GABRB2: variants seen among roughly 807,000 people sequenced by gnomAD.
GABRB2 encodes gamma-aminobutyric acid type A receptor subunit beta2.
In GABRB2, 16 loss-of-function variants were observed where a neutral mutation model predicts 54.7. The ratio of observed to expected loss-of-function variants is 0.29; its 90% CI spans 0.20 to 0.44. The LOEUF (loss-of-function observed/expected upper bound fraction) is 0.44. Among genes scored for constraint, GABRB2 ranks in the 20% least tolerant of loss-of-function variants. GABRB2 has a pLI of 1.00. For synonymous variants in GABRB2, 244 were observed against 233.8 expected (o/e 1.04, Z -0.40); for missense variants, 355 against 644.0 (o/e 0.55, Z 4.86).
chr5:161,446,336 T>G (rs1757614190), intron 4 of GABRB2, among the ~76,000 whole-genome samples: 1 of 152,154 alleles, frequency 6.6e-6, no homozygotes, highest in South Asian at 2.1e-4. Context: ...CCTGTTTTAT[T>G]AAACATAAAT....
intron 3 of GABRB2, among the ~76,000 whole-genome samples, chr5:161,542,487 G>A (rs1270536944): frequency 6.6e-6 from 1 of 152,150 alleles, no homozygotes; most frequent in African/African-American, 2.4e-5. Context: ...AGTAAAGTGA[G>A]CCCAGTCTAT....
rs781452713 is a variant in GABRB2, at chr5:161,492,533, T to C, written c.238-32689A>G. Among the ~76,000 whole-genome samples, 49 of 151,016 alleles carry C rather than the reference T, an allele frequency of 3.2e-4. 1 individual carries two copies. The highest frequency in any genetic ancestry group is 5.3e-4 in the Non-Finnish European group (36 of 67,560). The stretch of plus-strand genomic sequence containing the variant: ...GGTCTAATGACTTTGCATTTCTTTA[T>C]TGTTTTCCTTTGGAATTTCTTTGTT... On this transcript the variant is annotated intron_variant, in intron 3 of 9. Transcript: ENST00000393959.
intron 5 of GABRB2, among the ~76,000 whole-genome samples, chr5:161,384,896 T>C (rs1408766945): frequency 3.3e-5 from 5 of 152,146 alleles, no homozygotes; most frequent in Admixed American, 6.6e-5. Flanking sequence ...GTAGAAATGA[T>C]GTAAGAATGA....
chr5:161,510,247 TC>T (rs1176539088), intron 3 of GABRB2, among the ~76,000 whole-genome samples: 10 of 149,424 alleles, frequency 6.7e-5, no homozygotes, highest in Non-Finnish European at 1.0e-4. Context: ...CTCCCCCAGC[TC>T]CCCCCCAACC....
intron 5 of GABRB2, among the ~76,000 whole-genome samples, chr5:161,352,738 A>G (rs574795501): frequency 3.3e-5 from 5 of 152,176 alleles, no homozygotes; most frequent in African/African-American, 9.6e-5. Context: ...AAGGTAATGT[A>G]TATGTTAATT....
At chr5:161,466,663 T>C (rs1325105178) in intron 3 of GABRB2, among the ~76,000 whole-genome samples, 1 of 152,024 alleles carries the variant, frequency 6.6e-6, no homozygotes, top group Non-Finnish European at 1.5e-5. Context: ...TAGAACTGCA[T>C]TCTGGATGTG....
At chr5:161,421,422 C>T (rs1018319368) in intron 4 of GABRB2, among the ~76,000 whole-genome samples, 11 of 152,288 alleles carry the variant, frequency 7.2e-5, no homozygotes, top group East Asian at 1.9e-4. Flanking sequence ...TCCTGGGACA[C>T]GCAGCATCAG....
At chr5:161,441,172 G>C (rs936216552) in intron 4 of GABRB2, among the ~76,000 whole-genome samples, 2 of 152,132 alleles carry the variant, frequency 1.3e-5, no homozygotes, top group African/African-American at 4.8e-5. Context: ...AGAGTGAAGA[G>C]ACAACCCGAA....
At chr5:161,306,617 G>T (rs252973) in intron 9 of GABRB2, among the ~76,000 whole-genome samples, 1 of 152,026 alleles carries the variant, frequency 6.6e-6, no homozygotes, top group Non-Finnish European at 1.5e-5. Flanking sequence ...TACAGATTCC[G>T]AGTTACATTT....
chr5:161,548,061 C>A (rs1439210804), upstream of GABRB2: 3 of 152,980 alleles, frequency 2.0e-5, no homozygotes, highest in Admixed American at 2.0e-4. Flanking sequence ...CCCCTCACCT[C>A]CGGAGGCACT....
At chr5:161,401,016 A>G (rs1756170440) in intron 5 of GABRB2, among the ~76,000 whole-genome samples, 1 of 152,134 alleles carries the variant, frequency 6.6e-6, no homozygotes, top group Admixed American at 6.5e-5. Context: ...TCTGTATCTA[A>G]AATTCTAGGT....
chr5:161,543,910 TA>T (rs1760892586), intron 3 of GABRB2, among the ~76,000 whole-genome samples: 2 of 152,208 alleles, frequency 1.3e-5, no homozygotes, highest in Admixed American at 1.3e-4. Flanking sequence ...AAACTTTCTC[TA>T]AATTAGAATA....
intron 3 of GABRB2, among the ~76,000 whole-genome samples, chr5:161,542,059 G>C (rs2113479452): frequency 6.6e-6 from 1 of 152,268 alleles, no homozygotes; most frequent in Non-Finnish European, 1.5e-5. Context: ...ACCTCACAGA[G>C]AGGGAGACGG....
chr5:161,488,525 G>A (rs1178670905), intron 3 of GABRB2, among the ~76,000 whole-genome samples: 1 of 151,690 alleles, frequency 6.6e-6, no homozygotes, highest in Admixed American at 6.6e-5. Flanking sequence ...CCTCTAGGCT[G>A]AGAAAAAAGA....
At chr5:161,377,831 T>C (rs1580931660) in intron 5 of GABRB2, among the ~76,000 whole-genome samples, 1 of 152,064 alleles carries the variant, frequency 6.6e-6, no homozygotes, top group African/African-American at 2.4e-5. Flanking sequence ...TAATTTCCTA[T>C]AAAAAACACA....
intron 5 of GABRB2, among the ~76,000 whole-genome samples, chr5:161,376,971 G>T (rs1376618773): frequency 2.0e-5 from 3 of 151,814 alleles, no homozygotes; most frequent in Non-Finnish European, 4.4e-5. Context: ...AAAGAAGAAG[G>T]AATAAAAAGT....
chr5:161,348,482 T>G (rs1308853424), intron 5 of GABRB2, among the ~76,000 whole-genome samples: 2 of 152,056 alleles, frequency 1.3e-5, no homozygotes, highest in Non-Finnish European at 2.9e-5. Flanking sequence ...AAAACATGAC[T>G]GTACATTGTG....
At chr5:161,325,425 C>T (rs1213197951) in intron 9 of GABRB2, among the ~76,000 whole-genome samples, 1 of 151,998 alleles carries the variant, frequency 6.6e-6, no homozygotes, top group Admixed American at 6.6e-5. Flanking sequence ...AAAATACCAG[C>T]ACAAAGGAGC....
intron 9 of GABRB2, among the ~76,000 whole-genome samples, chr5:161,310,921 C>T (rs546987588): frequency 2.0e-5 from 3 of 152,074 alleles, no homozygotes; most frequent in Admixed American, 6.5e-5. Context: ...CCACCACGCC[C>T]GGCTAATTTT....
Sources: gnomAD v4.1 joint callset for allele counts (sites outside exome capture counted in the v4.1 genomes callset) on GRCh38, gnomAD v4.1.1 for gene constraint, MANE v1.5 for transcripts, NCBI Gene and HGNC (gene_info 2026-07-23, HGNC 2026-07-21) for gene names.